LRP1B: variants seen among roughly 807,000 people sequenced by gnomAD.
The protein encoded by LRP1B is low-density lipoprotein receptor-related protein 1B.
A neutral mutation model predicts 556.6 loss-of-function variants in LRP1B; 217 were observed. The ratio of observed to expected loss-of-function variants is 0.39; its 90% CI spans 0.35 to 0.44. LRP1B has a LOEUF of 0.44. Among genes scored for constraint, LRP1B ranks in the 20% least tolerant of loss-of-function variants. The probability of loss-of-function intolerance (pLI) is 1.00; values close to 1 mark genes in which losing one functional copy is unlikely to be tolerated. For synonymous variants in LRP1B, 2,047 were observed against 1,865.8 expected, an observed-to-expected ratio of 1.10 and a Z score of -2.50; for missense variants, 5,053 against 5,620.8, an observed-to-expected ratio of 0.90 and a Z score of 3.23.
At chr2:141,297,489 G>A (rs1686226227) in intron 3 of LRP1B, among the ~76,000 whole-genome samples, 1 of 152,128 alleles carries the variant, frequency 6.6e-6, no homozygotes. Flanking sequence ...AAATCTTAAA[G>A]GTTAACTATT....
chr2:141,209,187 T>C (rs2105246676), intron 6 of LRP1B, among the ~76,000 whole-genome samples: 1 of 152,228 alleles, frequency 6.6e-6, no homozygotes, highest in East Asian at 1.9e-4. Context: ...TCACCTTGAA[T>C]TGTAGTTCCC....
chr2:140,996,879 T>C (rs1293296808), intron 15 of LRP1B, among the ~76,000 whole-genome samples: 3 of 151,968 alleles, frequency 2.0e-5, no homozygotes, highest in African/African-American at 7.2e-5. Context: ...TATAAAGACC[T>C]ATATATATTA....
At chr2:140,365,455 C>G (rs1682716350) in intron 71 of LRP1B, among the ~76,000 whole-genome samples, 1 of 151,670 alleles carries the variant, frequency 6.6e-6, no homozygotes, top group Admixed American at 6.6e-5. Flanking sequence ...TTCTTAAGTA[C>G]ATCTGCCACA....
intron 1 of LRP1B, among the ~76,000 whole-genome samples, chr2:141,820,703 A>G (rs1031026141): frequency 1.3e-5 from 2 of 152,234 alleles, no homozygotes; most frequent in African/African-American, 4.8e-5. Flanking sequence ...TATGTACACA[A>G]GTTTGCATGT....
chr2:140,615,828 C>T (rs1683236970), intron 41 of LRP1B, among the ~76,000 whole-genome samples: 1 of 152,022 alleles, frequency 6.6e-6, no homozygotes, highest in African/African-American at 2.4e-5. Context: ...TATCTTCATA[C>T]TTAGTATTTC....
chr2:141,898,630 C>T (rs944308680), intron 1 of LRP1B, among the ~76,000 whole-genome samples: 1 of 152,078 alleles, frequency 6.6e-6, no homozygotes, highest in African/African-American at 2.4e-5. Flanking sequence ...GGATTATCTT[C>T]GACCACCTGT....
intron 2 of LRP1B, among the ~76,000 whole-genome samples, chr2:141,625,939 T>C (rs1456606105): frequency 6.6e-6 from 1 of 152,162 alleles, no homozygotes; most frequent in Non-Finnish European, 1.5e-5. Context: ...AAAAATATAT[T>C]TAACTTAACC....
rs187616335 is a variant in LRP1B, at chr2:141,145,871, C to T, written c.1013+42550G>A. On this transcript the variant is annotated intron_variant, in intron 7 of 90. Transcript: ENST00000389484. ...AGGTTCTATGATATTCAAAATATGT[C>T]TTTTACAAGGTTTTAGTGTTATTTC... Among the ~76,000 whole-genome samples, 104 of 145,874 alleles carry T rather than the reference C, an allele frequency of 7.1e-4. 1 individual carries two copies. The highest frequency in any genetic ancestry group is 2.7e-3 in the Admixed American group (40 of 14,596).
rs532127004 is a variant in LRP1B, at chr2:141,915,566, A to C, written c.83-105165T>G. ...ATTCCATCAAAAGAAATTGCAACAA[A>C]AACAAAAATTTACAAGTGAAATCTA... On this transcript the variant is annotated intron_variant, in intron 1 of 90. Transcript: ENST00000389484. Among the ~76,000 whole-genome samples the C allele has an allele frequency of 6.6e-5, 10 of 152,258 alleles. No individual in the cohort carries two copies. In the South Asian group the frequency reaches 1.9e-3, roughly 28 times the overall value.
chr2:140,381,171 C>T (rs55827330), intron 67 of LRP1B, among the ~76,000 whole-genome samples: 13,363 of 151,910 alleles, frequency 0.088, 695 homozygotes, highest in Middle Eastern at 0.14. Context: ...AATTTAGTTA[C>T]CACGGAAAGC....
At chr2:140,276,231 C>G (rs1573721744) in intron 84 of LRP1B, among the ~76,000 whole-genome samples, 1 of 152,014 alleles carries the variant, frequency 6.6e-6, no homozygotes, top group East Asian at 1.9e-4. Context: ...TTATGTTTAT[C>G]TAGCCCTTTA....
rs904191102 is a variant in LRP1B at position 140,358,066 on chromosome 2, T to C, written c.11308A>G (p.Ser3770Gly). The change falls in exon 74 of 91, where the codon AGT becomes GGT. Residue 3770 changes from serine to glycine, a missense_variant. Coordinates refer to ENST00000389484, the MANE Select transcript of LRP1B (RefSeq NM_018557.3). ...TCCATAGGGATGCATTTTTTATTAC[T>C]ACAAGCAAACTCATCCTTTTTACAA... is the stretch of plus-strand genomic sequence containing the variant. ...RPCKKDEFACSNKKCIPMDLQ... is the reference protein window; with the variant it reads ...RPCKKDEFACGNKKCIPMDLQ... The C allele has an allele frequency of 6.2e-7, 1 of 1,611,508 alleles. No individual in the cohort carries two copies.
chr2:140,662,641 T>C (rs555115456), intron 41 of LRP1B, among the ~76,000 whole-genome samples: 8 of 152,162 alleles, frequency 5.3e-5, no homozygotes, highest in Non-Finnish European at 1.0e-4. Flanking sequence ...ATGGATATAA[T>C]TCCTTGCACA....
At chr2:140,816,186 C>T (rs768496584) in intron 31 of LRP1B, among the ~76,000 whole-genome samples, 4 of 151,700 alleles carry the variant, frequency 2.6e-5, no homozygotes, top group East Asian at 1.9e-4. Flanking sequence ...GGCATGATCT[C>T]GGCTCACTAC....
chr2:140,710,783 T>C (rs1013088299), intron 37 of LRP1B, among the ~76,000 whole-genome samples: 2 of 151,912 alleles, frequency 1.3e-5, no homozygotes, highest in African/African-American at 4.8e-5. Context: ...GCAAAAATAA[T>C]AATAATCATC....
chr2:142,054,747 A>T (rs1474643317), intron 1 of LRP1B, among the ~76,000 whole-genome samples: 1 of 152,108 alleles, frequency 6.6e-6, no homozygotes, highest in African/African-American at 2.4e-5. Flanking sequence ...TTTGAATCAA[A>T]ATTGATTCAA....
intron 3 of LRP1B, among the ~76,000 whole-genome samples, chr2:141,393,320 G>A (rs140509570): frequency 2.0e-5 from 3 of 152,236 alleles, no homozygotes; most frequent in East Asian, 3.9e-4. Flanking sequence ...CGCAATGTGA[G>A]TCCATGAGTC....
intron 7 of LRP1B, among the ~76,000 whole-genome samples, chr2:141,175,989 C>T (rs1172315085): frequency 6.6e-6 from 1 of 152,128 alleles, no homozygotes; most frequent in Non-Finnish European, 1.5e-5. Flanking sequence ...GGGTTTCTAA[C>T]TCGTATGGGG....
chr2:141,907,296 G>A (rs1369891947), intron 1 of LRP1B, among the ~76,000 whole-genome samples: 2 of 151,606 alleles, frequency 1.3e-5, no homozygotes. Flanking sequence ...CTCGGTGATG[G>A]CACTGCTTTT....
Sources: gnomAD v4.1 joint callset for allele counts (sites outside exome capture counted in the v4.1 genomes callset) on GRCh38, gnomAD v4.1.1 for gene constraint, MANE v1.5 for transcripts, NCBI Gene and HGNC (gene_info 2026-07-23, HGNC 2026-07-21) for gene names.